The following CBFA2T2 variants were observed in gnomAD, a reference collection of about 807,000 sequenced individuals.
CBFA2T2 encodes the protein protein CBFA2T2.
A neutral mutation model predicts 62.2 loss-of-function variants in CBFA2T2; 11 were observed. The ratio of observed to expected loss-of-function variants is 0.18; its 90% CI spans 0.11 to 0.29. The LOEUF (loss-of-function observed/expected upper bound fraction) is 0.29, where lower values mean the gene tolerates loss of function less well. Among genes scored for constraint, CBFA2T2 ranks in the 10% least tolerant of loss-of-function variants. The probability of loss-of-function intolerance (pLI) is 1.00; values close to 1 mark genes in which losing one functional copy is unlikely to be tolerated. For synonymous variants in CBFA2T2, 295 were observed against 287.5 expected (o/e 1.03, Z -0.27); for missense variants, 592 against 774.1 (o/e 0.76, Z 2.79).
At chr20:33,529,323 T>C (rs990568806) in intron 1 of CBFA2T2, among the ~76,000 whole-genome samples, 2 of 152,020 alleles carry the variant, frequency 1.3e-5, no homozygotes, top group African/African-American at 2.4e-5. Flanking sequence ...CCGCGCCCAG[T>C]GCACCAGTTA....
At chr20:33,573,400 C>T (rs2013658036) in intron 1 of CBFA2T2, among the ~76,000 whole-genome samples, 1 of 151,996 alleles carries the variant, frequency 6.6e-6, no homozygotes, top group South Asian at 2.1e-4. Context: ...TTTAAGAATG[C>T]AAAGAGATGA....
intron 4 of CBFA2T2, among the ~76,000 whole-genome samples, 168 bp from the exon 5 acceptor site, chr20:33,622,947 A>G (rs915501567): frequency 6.6e-6 from 1 of 152,258 alleles, no homozygotes; most frequent in Non-Finnish European, 1.5e-5. Flanking sequence ...CAGTAATTCA[A>G]GTGCAGTATA....
chr20:33,556,539 T>G (rs1380286221), intron 1 of CBFA2T2, among the ~76,000 whole-genome samples: 1 of 152,200 alleles, frequency 6.6e-6, no homozygotes, highest in Non-Finnish European at 1.5e-5. Context: ...TTGTCCTGTT[T>G]TTCATTAGTT....
chr20:33,571,573 C>T lies in CBFA2T2; in HGVS notation c.35-35383C>T, dbSNP rs1329964659. On this transcript the variant is annotated intron_variant, in intron 1 of 10. Coordinates refer to ENST00000342704, the MANE Select transcript of CBFA2T2 (RefSeq NM_001032999.3). ...TTTTGTTTCCATTTTGTTTGTTACA[C>T]TCCCAGCCAAAATAATAGTTACCAT... Among the ~76,000 whole-genome samples, 3 of 152,140 alleles carry T rather than the reference C, an allele frequency of 2.0e-5. No individual in the cohort carries two copies. The East Asian group carries it at 5.8e-4, about 29-fold the overall frequency.
rs1238245740 is a variant in CBFA2T2 at position 33,634,653 on chromosome 20, G to C, written c.1229-1987G>C. Among the ~76,000 whole-genome samples the C allele has an allele frequency of 3.5e-5, 4 of 114,066 alleles. No individual in the cohort carries two copies. In the Admixed American group the frequency reaches 4.7e-4, roughly 14 times the overall value. 74.8% of individuals were successfully genotyped at this position (114,066 alleles called of 152,430 possible). On this transcript the variant is annotated intron_variant, in intron 8 of 10. Coordinates refer to ENST00000342704, the MANE Select transcript of CBFA2T2 (RefSeq NM_001032999.3). ...GCCAATGCACTCCACCTGGGCAACA[G>C]AGCAAGACCCTATGTCCAAAAAAAA...
intron 2 of CBFA2T2, among the ~76,000 whole-genome samples, chr20:33,609,433 C>T (rs537738703): frequency 6.6e-5 from 10 of 151,990 alleles, no homozygotes; most frequent in South Asian, 4.2e-4. Flanking sequence ...ACTCAGGAGA[C>T]GGAGGTTGCA....
intron 3 of CBFA2T2, among the ~76,000 whole-genome samples, chr20:33,617,951 C>T (rs1021311730): frequency 1.3e-5 from 2 of 152,086 alleles, no homozygotes; most frequent in Non-Finnish European, 2.9e-5. Flanking sequence ...ATTATTCTCC[C>T]AGGCATTAAA....
intron 1 of CBFA2T2, among the ~76,000 whole-genome samples, chr20:33,586,138 A>AT (rs1465642539): frequency 2.6e-5 from 4 of 152,118 alleles, no homozygotes; most frequent in Non-Finnish European, 5.9e-5. Flanking sequence ...CAATATTGTG[A>AT]TTATTATCAT....
chr20:33,624,816 A>G lies in CBFA2T2; in HGVS notation c.745A>G (p.Lys249Glu). 1.2e-6 allele frequency: 2 copies of G among 1,614,198 alleles called. No homozygotes were observed. The highest frequency in any genetic ancestry group is 1.7e-6 in the Non-Finnish European group (2 of 1,180,006). ...CACAATTGCTCCTGAGCCTCCTGCC[A>G]AGAGAGTATGTACCATCAGCCCTGC... ...RDTIAPEPPA[K>E]RVCTISPAPR... is the part of the protein sequence containing the mutation. The change falls in exon 6 of 11, where the codon AAG (lysine) becomes GAG (glutamate). Residue 249 changes from lysine to glutamate, a missense_variant. Coordinates refer to ENST00000342704, the MANE Select transcript of CBFA2T2 (RefSeq NM_001032999.3).
Position 33,629,831 on chromosome 20 carries a change from A to G in CBFA2T2, c.1145A>G (p.Asn382Ser), listed in dbSNP as rs373304432. 11 of 1,614,068 alleles carry G rather than the reference A, an allele frequency of 6.8e-6. No homozygotes were observed. The highest frequency in any genetic ancestry group is 2.7e-5 in the African/African-American group (2 of 74,920). ...CTCAACTACTGGAAAAGACGGTACA[A>G]TGAAAACACAGAGCTGAGGAAAACG... Reference protein sequence around the residue: ...EELNYWKRRYNENTELRKTGT... With the variant: ...EELNYWKRRYSENTELRKTGT... The change falls in exon 8 of 11, where the codon AAT becomes AGT. Residue 382 changes from asparagine to serine, a missense_variant. This residue lies in a region of CBFA2T2 where 449 missense variants were observed against 551.2 expected (regional missense o/e 0.81). Transcript: ENST00000342704.
intron 6 of CBFA2T2, 108 bp from the exon 7 acceptor site, chr20:33,628,242 T>TA (rs1249404435): frequency 1.3e-6 from 1 of 758,728 alleles, no homozygotes; most frequent in African/African-American, 1.7e-5. Context: ...ATCATTGCCT[T>TA]AGTAGTGTGA....
chr20:33,570,938 G>T (rs1480608894), intron 1 of CBFA2T2, among the ~76,000 whole-genome samples: 1 of 152,152 alleles, frequency 6.6e-6, no homozygotes, highest in East Asian at 1.9e-4. Context: ...GAGAAGCATG[G>T]CAAATAACCA....
intron 4 of CBFA2T2, among the ~76,000 whole-genome samples, chr20:33,621,572 A>G (rs534475984): frequency 6.6e-6 from 1 of 152,026 alleles, no homozygotes; most frequent in Non-Finnish European, 1.5e-5. Flanking sequence ...AAGTGCTGGG[A>G]TTACACGTGT....
intron 3 of CBFA2T2, among the ~76,000 whole-genome samples, chr20:33,618,095 C>G (rs35938982): frequency 0.012 from 1,782 of 152,068 alleles, 21 homozygotes; most frequent in Non-Finnish European, 0.014. Flanking sequence ...CTGCTCTACC[C>G]CCTCCCTGCA....
intron 6 of CBFA2T2, among the ~76,000 whole-genome samples, chr20:33,627,089 T>C (rs536405342): frequency 6.6e-6 from 1 of 152,172 alleles, no homozygotes; most frequent in Admixed American, 6.5e-5. Context: ...ATGCCTCTCT[T>C]TTATCTATTA....
intron 1 of CBFA2T2, among the ~76,000 whole-genome samples, chr20:33,606,739 A>G (rs754738664): frequency 1.3e-5 from 2 of 152,036 alleles, no homozygotes; most frequent in African/African-American, 4.8e-5. Context: ...CATCCTCTCA[A>G]GATTTTTAAC....
At chr20:33,491,972 C>T (rs972447500) in intron 1 of CBFA2T2, among the ~76,000 whole-genome samples, 1 of 151,952 alleles carries the variant, frequency 6.6e-6, no homozygotes, top group African/African-American at 2.4e-5. Context: ...CCTCCCCCCG[C>T]CCCAGGTTCA....
At chr20:33,542,058 T>C (rs931100484) in intron 1 of CBFA2T2, among the ~76,000 whole-genome samples, 4 of 152,150 alleles carry the variant, frequency 2.6e-5, no homozygotes, top group Non-Finnish European at 4.4e-5. Context: ...TCTCAAACTT[T>C]AGTGTATAGA....
intron 1 of CBFA2T2, among the ~76,000 whole-genome samples, chr20:33,510,108 A>G (rs1254056064): frequency 6.6e-6 from 1 of 151,602 alleles, no homozygotes; most frequent in Non-Finnish European, 1.5e-5. Flanking sequence ...GCTCAGAATG[A>G]TGGTTTCCAG....
Sources: gnomAD v4.1 joint callset for allele counts (sites outside exome capture counted in the v4.1 genomes callset) on GRCh38, gnomAD v4.1.1 for gene constraint, gnomAD v4.1.1 regional missense constraint, MANE v1.5 for transcripts, NCBI Gene and HGNC (gene_info 2026-07-23, HGNC 2026-07-21) for gene names.